GBF1: variants seen among roughly 807,000 people sequenced by gnomAD.
GBF1 encodes the protein Golgi-specific brefeldin A-resistance guanine nucleotide exchange factor 1.
A neutral mutation model predicts 210.5 loss-of-function variants in GBF1; 114 were observed. That is an observed-to-expected ratio of 0.54 (90% confidence interval 0.47 to 0.63). The LOEUF (loss-of-function observed/expected upper bound fraction) is 0.63. GBF1 is among the 30% of genes least tolerant of loss of function. The probability of loss-of-function intolerance (pLI) is 0.00; values close to 1 mark genes in which losing one functional copy is unlikely to be tolerated. For missense variants in GBF1, 1,851 were observed against 2,357.7 expected (o/e 0.79, Z 4.45); for synonymous variants, 850 against 889.2 (o/e 0.96, Z 0.78).
intron 1 of GBF1, among the ~76,000 whole-genome samples, chr10:102,254,571 A>G (rs866877594): frequency 6.6e-6 from 1 of 152,116 alleles, no homozygotes; most frequent in Non-Finnish European, 1.5e-5. Flanking sequence ...GATCCTGTTG[A>G]GGTAACTGGG....
intron 3 of GBF1, among the ~76,000 whole-genome samples, chr10:102,320,853 T>C (rs574998393): frequency 3.8e-4 from 58 of 151,950 alleles, no homozygotes; most frequent in Non-Finnish European, 6.5e-4. Context: ...AGTGGTGCAG[T>C]CTCGGAGTCT....
chr10:102,245,192 A>G (rs1485396387), upstream of GBF1, among the ~76,000 whole-genome samples: 1 of 152,086 alleles, frequency 6.6e-6, no homozygotes, highest in Non-Finnish European at 1.5e-5. Flanking sequence ...TTTCCAGCCA[A>G]TTGTAGCCTT....
intron 3 of GBF1, among the ~76,000 whole-genome samples, chr10:102,324,643 G>A (rs1380511047): frequency 1.3e-5 from 2 of 152,096 alleles, no homozygotes; most frequent in Admixed American, 6.5e-5. Flanking sequence ...CTGGAGTGCA[G>A]TGGCGCAATC....
In GBF1 at chr10:102,270,192, C is replaced by T. The variant is rs560974269; in HGVS notation, c.163+10076C>T. On this transcript the variant is annotated intron_variant, in intron 3 of 39. Coordinates refer to ENST00000369983, the MANE Select transcript of GBF1 (RefSeq NM_001377137.1). ...TGCACCCGGCCTTTTTTTTTTGAGA[C>T]GGAGTCTAGCTCCATCACCCAGGCT... Among the ~76,000 whole-genome samples, 332 of 148,380 alleles carry T rather than the reference C, an allele frequency of 2.2e-3. 2 individuals carry two copies. The highest frequency in any genetic ancestry group is 9.0e-3 in the South Asian group (42 of 4,646).
chr10:102,295,696 TTTG>T (rs2076854462), intron 3 of GBF1, among the ~76,000 whole-genome samples: 1 of 152,172 alleles, frequency 6.6e-6, no homozygotes, highest in South Asian at 2.1e-4. Context: ...TTTATATAAT[TTTG>T]AAAATTTTCA....
In GBF1 at chr10:102,368,416, TGAG is replaced by T; in HGVS notation, c.2845_2847del (p.Glu949del). The T allele has an allele frequency of 6.2e-7, 1 of 1,613,370 alleles. No individual in the cohort carries two copies. The highest frequency in any genetic ancestry group is 8.5e-7 in the Non-Finnish European group (1 of 1,179,338). On this transcript the variant is annotated inframe_deletion, in exon 22 of 40. Coordinates refer to ENST00000369983, the MANE Select transcript of GBF1 (RefSeq NM_001377137.1). The stretch of plus-strand genomic sequence containing the variant: ...TCTCTTATGTCTTTGACAAAAGCCT[TGAG>T]GAGACAATCATCCAGAAAGCCATCT...
chr10:102,320,934 T>A (rs1565105858), intron 3 of GBF1, among the ~76,000 whole-genome samples: 2 of 151,966 alleles, frequency 1.3e-5, no homozygotes, highest in Non-Finnish European at 2.9e-5. Context: ...TAGCTGGGAT[T>A]ACAGGTGTGC....
Position 102,362,520 on chromosome 10 carries a change from T to C in GBF1, c.1732T>C (p.Ser578Pro). ...TCAACTCTATACAACACACCTACTA[T>C]CTCTTGATGCCCTATTGACAGTGAT... is the stretch of plus-strand genomic sequence containing the variant. ...SGQLYTTHLL[S>P]LDALLTVIDS... is the part of the protein sequence containing the mutation. The change falls in exon 15 of 40, where the codon TCT (serine) becomes CCT (proline). Residue 578 changes from serine to proline, a missense_variant. Coordinates refer to ENST00000369983, the MANE Select transcript of GBF1 (RefSeq NM_001377137.1). The C allele has an allele frequency of 6.2e-7, 1 of 1,613,960 alleles. No individual in the cohort carries two copies. The highest frequency in any genetic ancestry group is 1.1e-5 in the South Asian group (1 of 91,084).
At chr10:102,365,654 T>C in intron 18 of GBF1, 55 bp downstream of exon 18, 3 of 1,439,444 alleles carry the variant, frequency 2.1e-6, no homozygotes, top group Admixed American at 1.7e-5. Context: ...CTCATGCCTG[T>C]AATCCTGACA....
At chr10:102,344,902 C>T (rs1047334663) in intron 4 of GBF1, among the ~76,000 whole-genome samples, 3 of 152,182 alleles carry the variant, frequency 2.0e-5, no homozygotes, top group African/African-American at 7.2e-5. Flanking sequence ...CAATGTTCCT[C>T]CTCCTTCTTT....
At chr10:102,351,412 G>C (rs1428164222) in intron 5 of GBF1, 38 bp downstream of exon 5, 1 of 1,095,920 alleles carries the variant, frequency 9.1e-7, no homozygotes, top group Non-Finnish European at 1.4e-6. Context: ...CTAATGGCCA[G>C]GGGCTGGTGC....
chr10:102,337,210 C>A (rs1181739608), intron 3 of GBF1, among the ~76,000 whole-genome samples: 1 of 151,864 alleles, frequency 6.6e-6, no homozygotes, highest in Non-Finnish European at 1.5e-5. Flanking sequence ...AACCCCATCT[C>A]TACTAAAAAT....
chr10:102,258,791 A>G (rs796111925), intron 1 of GBF1, 138 bp from the exon 2 acceptor site: 165 of 476,588 alleles, frequency 3.5e-4, no homozygotes, highest in African/African-American at 7.9e-4. Context: ...AAAAAAAAAA[A>G]AAAGAAAGAA....
Position 102,272,380 on chromosome 10 carries a change from C to T in GBF1, c.163+12264C>T, listed in dbSNP as rs888585748. ...TTGGCTTCCCAAAATGCTGAGATTA[C>T]AGGCATGAGCCACTGCACCCGGCCG... On this transcript the variant is annotated intron_variant, in intron 3 of 39. Coordinates refer to ENST00000369983, the MANE Select transcript of GBF1 (RefSeq NM_001377137.1). Among the ~76,000 whole-genome samples the T allele has an allele frequency of 3.9e-5, 6 of 152,360 alleles. 1 individual carries two copies. In the South Asian group the frequency reaches 1.0e-3, roughly 26 times the overall value.
At chr10:102,332,900 A>G (rs1452100562) in intron 3 of GBF1, among the ~76,000 whole-genome samples, 1 of 152,240 alleles carries the variant, frequency 6.6e-6, no homozygotes, top group Non-Finnish European at 1.5e-5. Flanking sequence ...AGCAGATCTG[A>G]GAAACTGTTG....
chr10:102,239,437 G>T, the GBF1 span, among the ~76,000 whole-genome samples: 3 of 152,170 alleles, frequency 2.0e-5, no homozygotes, highest in African/African-American at 7.2e-5. Flanking sequence ...TTTTATGGGA[G>T]CACAGCAATG....
chr10:102,341,260 TTACA>T (rs1226882027), intron 3 of GBF1, among the ~76,000 whole-genome samples: 1 of 152,210 alleles, frequency 6.6e-6, no homozygotes, highest in Non-Finnish European at 1.5e-5. Context: ...GGAGCTACTA[TTACA>T]TACATACTTG....
In GBF1 at chr10:102,253,995, G is replaced by T. The variant is rs145800761; in HGVS notation, c.-10-4934G>T. On this transcript the variant is annotated intron_variant, in intron 1 of 39. Transcript: ENST00000369983. ...TCTCTGTTGCCAATTTTGGGGAGGG[G>T]TTATATGTCTAGTTCTTATAGTTTT... is the stretch of plus-strand genomic sequence containing the variant. Among the ~76,000 whole-genome samples, 303 of 152,180 alleles carry T rather than the reference G, an allele frequency of 2.0e-3. 2 individuals are homozygous for T. Among genetic ancestry groups the T allele is most frequent in the African/African-American group, 6.1e-3 (253 of 41,534 alleles).
intron 3 of GBF1, among the ~76,000 whole-genome samples, chr10:102,292,414 G>C (rs2076522736): frequency 6.6e-6 from 1 of 152,204 alleles, no homozygotes; most frequent in Admixed American, 6.5e-5. Flanking sequence ...CCAGGCTGGA[G>C]TGAGTTGCAC....
Sources: gnomAD v4.1 joint callset for allele counts (sites outside exome capture counted in the v4.1 genomes callset) on GRCh38, gnomAD v4.1.1 for gene constraint, MANE v1.5 for transcripts, NCBI Gene and HGNC (gene_info 2026-07-23, HGNC 2026-07-21) for gene names.